PRR16: variants seen among roughly 807,000 people sequenced by gnomAD.
The protein encoded by PRR16 is proline rich 16, also known as protein Largen.
Under a neutral mutation model 18.2 loss-of-function variants are expected in PRR16, and 6 were observed. That is an observed-to-expected ratio of 0.33 (90% confidence interval 0.18 to 0.65). PRR16 has a LOEUF of 0.65. Ranked by LOEUF, PRR16 falls within the 30% of genes least tolerant of loss-of-function variation. The pLI, the probability that PRR16 is intolerant of heterozygous loss-of-function variation, is 0.74. For synonymous variants in PRR16, 151 were observed against 147.8 expected (o/e 1.02, Z -0.16); for missense variants, 412 against 376.6 (o/e 1.09, Z -0.78).
At chr5:120,566,568 A>T (rs1404447154) in intron 1 of PRR16, among the ~76,000 whole-genome samples, 1 of 152,214 alleles carries the variant, frequency 6.6e-6, no homozygotes, top group Non-Finnish European at 1.5e-5. Flanking sequence ...CTATTGGCTG[A>T]TGGAAGTATT....
intron 1 of PRR16, among the ~76,000 whole-genome samples, chr5:120,500,223 C>A (rs72788223): frequency 0.023 from 3,571 of 152,218 alleles, 54 homozygotes; most frequent in South Asian, 0.035. Context: ...TTTTCTCAAG[C>A]CTTATGATAT....
intron 1 of PRR16, among the ~76,000 whole-genome samples, chr5:120,580,533 C>G (rs1753237558): frequency 2.0e-5 from 3 of 148,430 alleles, no homozygotes. Context: ...CGGCTCACTG[C>G]AAGCTCCACC....
At chr5:120,569,748 A>C (rs1368406873) in intron 1 of PRR16, among the ~76,000 whole-genome samples, 1 of 152,166 alleles carries the variant, frequency 6.6e-6, no homozygotes, top group Admixed American at 6.6e-5. Context: ...TGGGATTTGA[A>C]GAGTGGGTGA....
chr5:120,511,459 G>A (rs1750822437), intron 1 of PRR16, among the ~76,000 whole-genome samples: 1 of 151,960 alleles, frequency 6.6e-6, no homozygotes, highest in Non-Finnish European at 1.5e-5. Context: ...AGCCACTTTG[G>A]GCTTTACCAA....
At chr5:120,551,275 G>C (rs1188815441) in intron 1 of PRR16, among the ~76,000 whole-genome samples, 1 of 151,904 alleles carries the variant, frequency 6.6e-6, no homozygotes. Flanking sequence ...TTGTCTTCCT[G>C]AGTCTGGCTT....
At chr5:120,774,748 T>TAA in the PRR16 span, among the ~76,000 whole-genome samples, 2 of 152,164 alleles carry the variant, frequency 1.3e-5, no homozygotes, top group African/African-American at 4.8e-5. Context: ...CTCTAAACTC[T>TAA]AAACCAAGGG....
chr5:120,721,029 G>A, the PRR16 span, among the ~76,000 whole-genome samples: 26 of 152,042 alleles, frequency 1.7e-4, no homozygotes, highest in South Asian at 5.0e-3. Context: ...TTATATTGAT[G>A]ACCATCATCA....
chr5:120,774,747 C>G, the PRR16 span, among the ~76,000 whole-genome samples: 1 of 152,174 alleles, frequency 6.6e-6, no homozygotes, highest in Non-Finnish European at 1.5e-5. Flanking sequence ...ACTCTAAACT[C>G]TAAACCAAGG....
intron 1 of PRR16, among the ~76,000 whole-genome samples, chr5:120,606,827 G>A (rs138568204): frequency 3.4e-4 from 51 of 152,036 alleles, no homozygotes; most frequent in African/African-American, 1.2e-3. Context: ...GGATCACTTG[G>A]GCCACGAAAC....
the PRR16 span, among the ~76,000 whole-genome samples, chr5:120,753,845 T>C: frequency 4.3e-5 from 5 of 116,592 alleles, no homozygotes; most frequent in East Asian, 2.7e-4. Context: ...ATATAACTTA[T>C]ATATTATATA....
At position 120,471,029 on chromosome 5, in the gene PRR16, T is replaced by C. The variant is rs1158939904; in HGVS notation, c.159+6384T>C. ...TTTTTGCTTGCAGCAGCAGCGTATG[T>C]ATGGACACTGTTTCTTAAATTGGGA... On this transcript the variant is annotated intron_variant, in intron 1 of 1. Transcript: ENST00000407149. Among the ~76,000 whole-genome samples the C allele has an allele frequency of 3.9e-5, 6 of 152,222 alleles. 1 individual carries two copies. The highest frequency in any genetic ancestry group is 7.4e-5 in the Non-Finnish European group (5 of 68,022).
the PRR16 span, among the ~76,000 whole-genome samples, chr5:120,759,229 G>C: frequency 2.0e-5 from 3 of 151,912 alleles, no homozygotes; most frequent in Non-Finnish European, 4.4e-5. Flanking sequence ...GCCCGCTTCG[G>C]CCTCCCAAAG....
chr5:120,693,308 T>C, the PRR16 span, among the ~76,000 whole-genome samples: 107 of 152,324 alleles, frequency 7.0e-4, no homozygotes, highest in African/African-American at 2.5e-3. Context: ...TTAATGGGGA[T>C]GTTGAGTCAT....
In PRR16 at chr5:120,494,919, G is replaced by A. The variant is rs150676151; in HGVS notation, c.159+30274G>A. ...TCCACCTTTTTGTTGTACTATTTAT[G>A]GATCTGTATTCTGTTCCATTGTTCT... On this transcript the variant is annotated intron_variant, in intron 1 of 1. Transcript: ENST00000407149. 3.6e-3 allele frequency among the ~76,000 whole-genome samples: 545 copies of A among 151,984 alleles called. 5 individuals are homozygous for A. Among genetic ancestry groups the A allele is most frequent in the African/African-American group, 0.011 (461 of 41,502 alleles).
intron 1 of PRR16, among the ~76,000 whole-genome samples, chr5:120,608,947 T>C (rs1754244412): frequency 6.6e-6 from 1 of 152,166 alleles, no homozygotes; most frequent in Admixed American, 6.5e-5. Flanking sequence ...CCAAAGAGGG[T>C]TTCTCCTGAT....
chr5:120,751,915 G>A, the PRR16 span, among the ~76,000 whole-genome samples: 1 of 152,096 alleles, frequency 6.6e-6, no homozygotes, highest in South Asian at 2.1e-4. Context: ...TCAGAATTAT[G>A]TGATATTAAA....
intron 1 of PRR16, among the ~76,000 whole-genome samples, chr5:120,623,365 A>G (rs184617661): frequency 2.6e-5 from 4 of 152,296 alleles, no homozygotes; most frequent in East Asian, 3.9e-4. Flanking sequence ...CTATATAAAT[A>G]AACTGATTGC....
At chr5:120,628,925 A>C (rs1235656746) in intron 1 of PRR16, among the ~76,000 whole-genome samples, 3 of 152,018 alleles carry the variant, frequency 2.0e-5, no homozygotes, top group Non-Finnish European at 4.4e-5. Flanking sequence ...GTGTAGTTTC[A>C]TTATACAGGT....
At chr5:120,694,995 A>G in the PRR16 span, among the ~76,000 whole-genome samples, 38 of 152,304 alleles carry the variant, frequency 2.5e-4, no homozygotes, top group African/African-American at 8.9e-4. Flanking sequence ...TTGAATACAT[A>G]TTTCAGTGAA....
Sources: gnomAD v4.1 joint callset for allele counts (sites outside exome capture counted in the v4.1 genomes callset) on GRCh38, gnomAD v4.1.1 for gene constraint, MANE v1.5 for transcripts, NCBI Gene and HGNC (gene_info 2026-07-23, HGNC 2026-07-21) for gene names.